COX6C: variants seen among roughly 807,000 people sequenced by gnomAD.
COX6C encodes the protein cytochrome c oxidase subunit 6C.
Under a neutral mutation model 6.9 loss-of-function variants are expected in COX6C, and 3 were observed. The ratio of observed to expected loss-of-function variants is 0.43; its 90% CI spans 0.20 to 1.12. The LOEUF is 1.12. Among genes scored for constraint, COX6C ranks in the 50% most tolerant of loss-of-function variants. COX6C has a pLI of 0.27. For synonymous variants in COX6C, 32 were observed against 32.0 expected, an observed-to-expected ratio of 1.00 and a Z score of 0.00; for missense variants, 101 against 97.3, an observed-to-expected ratio of 1.04 and a Z score of -0.16.
intron 3 of COX6C, among the ~76,000 whole-genome samples, chr8:99,882,906 TC>T (rs1817886853): frequency 6.6e-6 from 1 of 152,182 alleles, no homozygotes; most frequent in Non-Finnish European, 1.5e-5. Flanking sequence ...CAGGTAATCT[TC>T]CCAGGTAGCT....
chr8:99,885,169 C>A (rs773164295), intron 3 of COX6C, among the ~76,000 whole-genome samples: 1 of 152,166 alleles, frequency 6.6e-6, no homozygotes, highest in Non-Finnish European at 1.5e-5. Flanking sequence ...TTAGTTCTAC[C>A]CACAGTCAAC....
chr8:99,882,501 A>G (rs1289430143), intron 3 of COX6C, among the ~76,000 whole-genome samples: 1 of 152,184 alleles, frequency 6.6e-6, no homozygotes, highest in Non-Finnish European at 1.5e-5. Context: ...TTACAAGGAA[A>G]TTTTTAAAAA....
chr8:99,888,903 C>A (rs1020353425), intron 2 of COX6C, among the ~76,000 whole-genome samples: 2 of 152,218 alleles, frequency 1.3e-5, no homozygotes, highest in African/African-American at 4.8e-5. Context: ...GGAGCCTAGT[C>A]TCTTCAGCTC....
chr8:99,887,139 C>G, intron 3 of COX6C: 1 of 156,984 alleles, frequency 6.4e-6, no homozygotes, highest in African/African-American at 2.4e-5. Context: ...CTTATGTTAG[C>G]CTACAGCTGA....
intron 3 of COX6C, among the ~76,000 whole-genome samples, chr8:99,882,860 C>T (rs1817886166): frequency 6.6e-6 from 1 of 152,066 alleles, no homozygotes; most frequent in African/African-American, 2.4e-5. Flanking sequence ...TGCAGTGGTA[C>T]AATCACTGCT....
In COX6C at chr8:99,882,217, G is replaced by T. The variant is rs547013979; in HGVS notation, c.*16-3952C>A. On this transcript the variant is annotated intron_variant, in intron 3 of 3. Coordinates refer to ENST00000520468, the MANE Select transcript of COX6C (RefSeq NM_004374.4). ...GGATTAATAAGAAAACATATGACTT[G>T]AACAACACTACAAATCAACTGGACT... is the stretch of plus-strand genomic sequence containing the variant. 3.9e-5 allele frequency among the ~76,000 whole-genome samples: 6 copies of T among 152,170 alleles called. No individual in the cohort carries two copies. In the East Asian group the frequency reaches 1.2e-3, roughly 29 times the overall value.
chr8:99,887,983 C>T (rs954648256), intron 2 of COX6C, among the ~76,000 whole-genome samples: 4 of 150,496 alleles, frequency 2.7e-5, no homozygotes, highest in South Asian at 2.1e-4. Context: ...CCCAGCTACT[C>T]GGGAGGCTGA....
chr8:99,883,607 T>A (rs1817902008), intron 3 of COX6C, among the ~76,000 whole-genome samples: 1 of 151,936 alleles, frequency 6.6e-6, no homozygotes, highest in African/African-American at 2.4e-5. Flanking sequence ...CAGCCCTCTA[T>A]GAAACCAGCA....
chr8:99,879,496 A>G lies in COX6C; in HGVS notation c.*16-1231T>C, dbSNP rs560226164. Among the ~76,000 whole-genome samples, 23 of 152,366 alleles carry G rather than the reference A, an allele frequency of 1.5e-4. 1 individual carries two copies. The South Asian group carries it at 4.8e-3, about 32-fold the overall frequency. ...TCAGCAAGATAGACTGTGAAGCTCC[A>G]GGCCCCCAAACCCCCACAAAAAATA... On this transcript the variant is annotated intron_variant, in intron 3 of 3. Transcript: ENST00000520468.
intron 2 of COX6C, among the ~76,000 whole-genome samples, chr8:99,891,592 G>C (rs1818033123): frequency 6.6e-6 from 1 of 152,158 alleles, no homozygotes; most frequent in Non-Finnish European, 1.5e-5. Context: ...TGCCCACAGA[G>C]GACCCTGTGA....
intron 1 of COX6C, among the ~76,000 whole-genome samples, chr8:99,892,817 C>A (rs1424126816): frequency 6.6e-6 from 1 of 152,208 alleles, no homozygotes; most frequent in Non-Finnish European, 1.5e-5. Flanking sequence ...TGGTAATTAA[C>A]GATTGCAAAC....
intron 2 of COX6C, among the ~76,000 whole-genome samples, chr8:99,888,947 G>T (rs1025921996): frequency 6.6e-6 from 1 of 152,176 alleles, no homozygotes; most frequent in Non-Finnish European, 1.5e-5. Flanking sequence ...TCTGTGAGGT[G>T]GGGGCCTGTT....
chr8:99,891,294 T>C (rs1190844796), intron 2 of COX6C, among the ~76,000 whole-genome samples: 1 of 152,200 alleles, frequency 6.6e-6, no homozygotes, highest in Non-Finnish European at 1.5e-5. Flanking sequence ...CTCATGCCTG[T>C]AATCCCAGCA....
chr8:99,884,290 G>A (rs1353118582), intron 3 of COX6C, among the ~76,000 whole-genome samples: 10 of 152,044 alleles, frequency 6.6e-5, no homozygotes, highest in Non-Finnish European at 1.3e-4. Flanking sequence ...TAAGTTGGAG[G>A]ATACAAAAAT....
Position 99,891,807 on chromosome 8 carries a change from G to T in COX6C, c.114+101C>A, listed in dbSNP as rs1006105257. ...TCACACTGAGGTGAGTGCAGAAAGG[G>T]TTAGAAAGAAACACATTACAAGGGG... On this transcript the variant is annotated intron_variant, in intron 2 of 3. Transcript: ENST00000520468. 4.0e-6 allele frequency: 4 copies of T among 991,992 alleles called. No individual in the cohort carries two copies. The East Asian group carries it at 9.5e-5, about 24-fold the overall frequency. 61.4% of individuals were successfully genotyped at this position (991,992 alleles called of 1,614,324 possible).
chr8:99,886,716 C>T (rs1342381007), intron 3 of COX6C, among the ~76,000 whole-genome samples: 3 of 152,146 alleles, frequency 2.0e-5, no homozygotes, highest in African/African-American at 7.2e-5. Flanking sequence ...ATGGATGAAC[C>T]TTGAGTACAC....
chr8:99,885,335 A>T (rs1817929076), intron 3 of COX6C, among the ~76,000 whole-genome samples: 1 of 152,258 alleles, frequency 6.6e-6, no homozygotes, highest in African/African-American at 2.4e-5. Flanking sequence ...GTATGTACGT[A>T]CACGAAAAAC....
chr8:99,883,470 TA>T lies in COX6C; in HGVS notation c.*15+4019del, dbSNP rs1422630727. 3.0e-3 allele frequency among the ~76,000 whole-genome samples: 398 copies of T among 134,760 alleles called. 2 individuals are homozygous for T. Among genetic ancestry groups the T allele is most frequent in the Middle Eastern group, 0.011 (3 of 266 alleles). The allele number at this position is 134,760 out of a possible 152,430, so 88.4% of individuals were successfully genotyped here. A position where few individuals can be genotyped will look rare whatever the true frequency, so the allele number is the denominator to read the frequency against. ...GTGTGTGTGTATATATATATATATA[TA>T]TTTTTTTTTTGGTAGAGATGGGGTC... On this transcript the variant is annotated intron_variant, in intron 3 of 3. Coordinates refer to ENST00000520468, the MANE Select transcript of COX6C (RefSeq NM_004374.4).
intron 3 of COX6C, among the ~76,000 whole-genome samples, chr8:99,879,509 C>A (rs1299020235): frequency 6.6e-6 from 1 of 152,080 alleles, no homozygotes; most frequent in Non-Finnish European, 1.5e-5. Context: ...CCCCCAAACC[C>A]CCACAAAAAA....
Sources: allele counts gnomAD v4.1 joint callset (sites outside exome capture counted in the v4.1 genomes callset), GRCh38; gene constraint gnomAD v4.1.1; transcripts MANE v1.5; gene names NCBI Gene and HGNC (gene_info 2026-07-23, HGNC 2026-07-21).